Variants in AFAP1L2 observed in about 807,000 individuals in gnomAD.
AFAP1L2 encodes actin filament-associated protein 1-like 2.
AFAP1L2 carries 46 observed loss-of-function variants against 99.3 expected under a neutral mutation model. The ratio of observed to expected loss-of-function variants is 0.46; its 90% CI spans 0.37 to 0.59. The LOEUF (loss-of-function observed/expected upper bound fraction) is 0.59, where lower values mean the gene tolerates loss of function less well. AFAP1L2 is among the 20% of genes least tolerant of loss of function. AFAP1L2 has a pLI of 0.00. For missense variants in AFAP1L2, 959 were observed against 1,034.9 expected (o/e 0.93, Z 1.01); for synonymous variants, 397 against 419.1 (o/e 0.95, Z 0.64).
chr10:114,361,817 A>G (rs1184893446), intron 1 of AFAP1L2, among the ~76,000 whole-genome samples: 2 of 152,164 alleles, frequency 1.3e-5, no homozygotes, highest in Non-Finnish European at 2.9e-5. Context: ...TGGAGTGTAC[A>G]TCCACATGTC....
the AFAP1L2 span, chr10:114,282,488 T>A: frequency 6.4e-5 from 103 of 1,604,038 alleles, no homozygotes; most frequent in Non-Finnish European, 8.5e-5. Context: ...CTCTGATCTG[T>A]CTATAATTCT....
the AFAP1L2 span, among the ~76,000 whole-genome samples, chr10:114,282,053 A>G: frequency 9.3e-6 from 1 of 107,358 alleles, no homozygotes; most frequent in Non-Finnish European, 1.8e-5. Flanking sequence ...TCTGTTACCC[A>G]GGCTGGAGTG....
intron 2 of AFAP1L2, among the ~76,000 whole-genome samples, chr10:114,338,105 T>C (rs1290577359): frequency 1.3e-5 from 2 of 152,214 alleles, no homozygotes; most frequent in African/African-American, 2.4e-5. Context: ...CAGATGGGCA[T>C]ATAGCGACAT....
Position 114,300,363 on chromosome 10 carries a change from C to CT in AFAP1L2, c.1789-2dup. Reference sequence around the variant, plus strand: ...CCTCTGGCTCCAAACTCTCCAGCTGCTTTGGGGGAAAGCAGACCTGACTCA... The same window carrying CT: ...CCTCTGGCTCCAAACTCTCCAGCTGCTTTTGGGGGAAAGCAGACCTGACTCA... On this transcript the variant is annotated splice_acceptor_variant, in intron 14 of 18. Transcript: ENST00000304129. LOFTEE classifies it high-confidence loss of function. 1 of 1,614,136 alleles carries CT rather than the reference C, an allele frequency of 6.2e-7. No homozygotes were observed. The highest frequency in any genetic ancestry group is 8.5e-7 in the Non-Finnish European group (1 of 1,180,002).
chr10:114,356,035 C>A (rs1439456939), intron 1 of AFAP1L2, among the ~76,000 whole-genome samples: 2 of 151,986 alleles, frequency 1.3e-5, no homozygotes, highest in Admixed American at 1.3e-4. Flanking sequence ...TGTGTGCACA[C>A]CCTGGGGAAC....
At chr10:114,330,927 G>A (rs76504261) in intron 4 of AFAP1L2, among the ~76,000 whole-genome samples, 1 of 152,150 alleles carries the variant, frequency 6.6e-6, no homozygotes, top group Non-Finnish European at 1.5e-5. Flanking sequence ...AGGTGCAGAT[G>A]GGGGAGGGAT....
In AFAP1L2 at chr10:114,301,019, T is replaced by C. The variant is rs78807570; in HGVS notation, c.1543-329A>G. ...GGTTCAGTGCCCAAAACGTGGAAGT[T>C]GCCATCGGTGTGATCATCCCACTCA... is the stretch of plus-strand genomic sequence containing the variant. On this transcript the variant is annotated intron_variant, in intron 13 of 18. Transcript: ENST00000304129. Among the ~76,000 whole-genome samples, 952 of 152,238 alleles carry C rather than the reference T, an allele frequency of 6.3e-3. 10 individuals carry two copies. The highest frequency in any genetic ancestry group is 0.022 in the African/African-American group (905 of 41,524).
chr10:114,291,790 G>A (rs1451909121), downstream of AFAP1L2, among the ~76,000 whole-genome samples: 1 of 152,234 alleles, frequency 6.6e-6, no homozygotes, highest in Non-Finnish European at 1.5e-5. Flanking sequence ...GGGCTTGAGG[G>A]ACGTTTGTGA....
chr10:114,365,271 ACC>A (rs776710548), intron 1 of AFAP1L2, among the ~76,000 whole-genome samples: 13 of 149,584 alleles, frequency 8.7e-5, no homozygotes, highest in Non-Finnish European at 1.8e-4. Context: ...TAATGAAGGA[ACC>A]CCCAGGCATA....
chr10:114,291,133 G>A, downstream of AFAP1L2: 1 of 1,489,132 alleles, frequency 6.7e-7, no homozygotes, highest in Non-Finnish European at 9.2e-7. Context: ...GTAAGAGCAG[G>A]ACCTGAAGGG....
At chr10:114,300,735 C>A (rs1222247528) in intron 13 of AFAP1L2, 45 bp from the exon 14 acceptor site, 1 of 1,540,622 alleles carries the variant, frequency 6.5e-7, no homozygotes, top group Non-Finnish European at 8.8e-7. Context: ...TACCTCTACT[C>A]CCTCAGCTGT....
Position 114,310,442 on chromosome 10 carries a change from A to G in AFAP1L2, c.794T>C (p.Val265Ala), listed in dbSNP as rs1056896610. 9.3e-6 allele frequency: 15 copies of G among 1,613,188 alleles called. No homozygotes were observed. The highest frequency in any genetic ancestry group is 1.1e-5 in the Non-Finnish European group (13 of 1,179,662). ...SKDQAEQWLR[V>A]IQEVSGLPSE... ...AGGCAGGCCGCTCACTTCCTGGATGACCTGAGGCAAGAGGGAAGCCGTCAG... is the reference window on the plus strand; with the variant it reads ...AGGCAGGCCGCTCACTTCCTGGATGGCCTGAGGCAAGAGGGAAGCCGTCAG... The change falls in exon 8 of 19, where the codon GTC becomes GCC. Residue 265 changes from valine to alanine, a missense_variant and splice_region_variant. Physicochemically the swap from Val to Ala is moderately conservative, Grantham distance 64. Coordinates refer to ENST00000304129, the MANE Select transcript of AFAP1L2 (RefSeq NM_001001936.3).
chr10:114,292,717 T>C (rs964002856), downstream of AFAP1L2, among the ~76,000 whole-genome samples: 2 of 151,926 alleles, frequency 1.3e-5, no homozygotes, highest in Non-Finnish European at 2.9e-5. Flanking sequence ...CGTTTTTCTT[T>C]TTTTTGAGAC....
downstream of AFAP1L2, among the ~76,000 whole-genome samples, chr10:114,292,372 T>G (rs1028543818): frequency 2.0e-5 from 3 of 152,104 alleles, no homozygotes; most frequent in Non-Finnish European, 4.4e-5. Flanking sequence ...AGAAGTAAGA[T>G]TCTTAAACTC....
At chr10:114,282,394 A>C in the AFAP1L2 span, 4 of 769,078 alleles carry the variant, frequency 5.2e-6, no homozygotes. Context: ...CAAAACCAGG[A>C]AGTCTTTCTT....
At chr10:114,286,662 T>C in the AFAP1L2 span, 1 of 686,326 alleles carries the variant, frequency 1.5e-6, no homozygotes, top group South Asian at 2.2e-5. Flanking sequence ...CATAAATAAT[T>C]TTCAGTTTAC....
intron 1 of AFAP1L2, among the ~76,000 whole-genome samples, chr10:114,397,252 C>T (rs1174095603): frequency 6.6e-6 from 1 of 152,208 alleles, no homozygotes; most frequent in African/African-American, 2.4e-5. Context: ...CCCTTTGTGG[C>T]TCACGCCTTC....
At chr10:114,383,945 C>T (rs1369755070) in intron 1 of AFAP1L2, among the ~76,000 whole-genome samples, 1 of 152,178 alleles carries the variant, frequency 6.6e-6, no homozygotes, top group Non-Finnish European at 1.5e-5. Context: ...CCTCCCACCT[C>T]CAACCTCGTC....
chr10:114,323,849 G>C (rs1007258218), intron 4 of AFAP1L2, among the ~76,000 whole-genome samples: 1 of 152,208 alleles, frequency 6.6e-6, no homozygotes, highest in African/African-American at 2.4e-5. Flanking sequence ...TCCTGGTCAA[G>C]TGCATTGTGA....
Sources: gnomAD v4.1 joint callset for allele counts (sites outside exome capture counted in the v4.1 genomes callset) on GRCh38, gnomAD v4.1.1 for gene constraint, MANE v1.5 for transcripts, NCBI Gene and HGNC (gene_info 2026-07-23, HGNC 2026-07-21) for gene names.